PCLO: variants seen among roughly 807,000 people sequenced by gnomAD.
PCLO encodes piccolo presynaptic cytomatrix protein.
A neutral mutation model predicts 427.5 loss-of-function variants in PCLO; 82 were observed. The ratio of observed to expected loss-of-function variants is 0.19; its 90% CI spans 0.16 to 0.23. The LOEUF (loss-of-function observed/expected upper bound fraction) is 0.23, where lower values mean the gene tolerates loss of function less well. Among genes scored for constraint, PCLO ranks in the 10% least tolerant of loss-of-function variants. PCLO has a pLI of 1.00. For synonymous variants in PCLO, 2,357 were observed against 2,155.4 expected (o/e 1.09, Z -2.59); for missense variants, 6,239 against 6,115.9 (o/e 1.02, Z -0.67).
At chr7:82,936,621 A>G (rs1794958748) in intron 6 of PCLO, among the ~76,000 whole-genome samples, 1 of 151,680 alleles carries the variant, frequency 6.6e-6, no homozygotes, top group Admixed American at 6.6e-5. Flanking sequence ...ACAGTTCTTC[A>G]AAAAGTTAAA....
chr7:82,883,459 A>T (rs1267943215), intron 9 of PCLO, among the ~76,000 whole-genome samples: 1 of 152,186 alleles, frequency 6.6e-6, no homozygotes, highest in East Asian at 1.9e-4. Flanking sequence ...CAAATGAAAC[A>T]GTTTGTTCAT....
chr7:82,797,053 A>G (rs746457904), intron 22 of PCLO, among the ~76,000 whole-genome samples: 13 of 152,004 alleles, frequency 8.6e-5, no homozygotes, highest in Non-Finnish European at 1.9e-4. Context: ...CTAATTGAGG[A>G]TCTTCCATAA....
intron 3 of PCLO, among the ~76,000 whole-genome samples, chr7:82,975,706 T>C (rs1409702297): frequency 6.6e-6 from 1 of 152,140 alleles, no homozygotes; most frequent in Non-Finnish European, 1.5e-5. Flanking sequence ...CCCCACCAAA[T>C]CTCATTGTAA....
intron 4 of PCLO, among the ~76,000 whole-genome samples, chr7:82,963,038 C>T (rs1362954384): frequency 6.6e-6 from 1 of 151,886 alleles, no homozygotes; most frequent in Non-Finnish European, 1.5e-5. Flanking sequence ...TTCAGTAATA[C>T]AATACTTATT....
At chr7:82,824,896 C>T (rs1412643995) in intron 18 of PCLO, among the ~76,000 whole-genome samples, 1 of 151,964 alleles carries the variant, frequency 6.6e-6, no homozygotes. Context: ...TTGCAGTGAG[C>T]TGAGATCACA....
At chr7:83,014,418 T>C (rs1053208510) in intron 3 of PCLO, among the ~76,000 whole-genome samples, 1 of 152,082 alleles carries the variant, frequency 6.6e-6, no homozygotes, top group African/African-American at 2.4e-5. Context: ...TCTCGAATGC[T>C]GAGATAAGTA....
intron 3 of PCLO, among the ~76,000 whole-genome samples, chr7:83,023,547 C>T (rs377355280): frequency 6.6e-6 from 1 of 152,230 alleles, no homozygotes; most frequent in East Asian, 1.9e-4. Context: ...CTGATAGTTA[C>T]ATAAAAAATT....
chr7:83,043,732 G>A (rs1161326613), intron 3 of PCLO, among the ~76,000 whole-genome samples: 1 of 152,066 alleles, frequency 6.6e-6, no homozygotes, highest in Non-Finnish European at 1.5e-5. Context: ...TAAAGATTCA[G>A]GCTGTGGTTG....
At chr7:82,834,980 GTTTT>G (rs1562808742) in intron 16 of PCLO, among the ~76,000 whole-genome samples, 2 of 150,936 alleles carry the variant, frequency 1.3e-5, no homozygotes, top group African/African-American at 4.9e-5. Flanking sequence ...TTGTTTGTTT[GTTTT>G]TTGAGGCTGG....
rs577321606 is a variant in PCLO, at chr7:82,765,599, G to A, written c.15008-4106C>T. Reference sequence around the variant, plus strand: ...ACACTACTCTCCTCTCAAAGATTTGGTATAAAATGTCTGGTGTCATGAATA... The same window carrying A: ...ACACTACTCTCCTCTCAAAGATTTGATATAAAATGTCTGGTGTCATGAATA... On this transcript the variant is annotated intron_variant, in intron 22 of 24. Transcript: ENST00000333891. Among the ~76,000 whole-genome samples, 18 of 152,038 alleles carry A rather than the reference G, an allele frequency of 1.2e-4. No homozygotes were observed. The South Asian group carries it at 3.5e-3, about 30-fold the overall frequency.
intron 9 of PCLO, among the ~76,000 whole-genome samples, chr7:82,886,296 T>C (rs1261747385): frequency 6.6e-6 from 1 of 152,202 alleles, no homozygotes; most frequent in Non-Finnish European, 1.5e-5. Context: ...TTTTCAAACA[T>C]TATAAAGATA....
At chr7:83,111,928 G>C (rs1326448183) in intron 3 of PCLO, among the ~76,000 whole-genome samples, 1 of 152,132 alleles carries the variant, frequency 6.6e-6, no homozygotes, top group Non-Finnish European at 1.5e-5. Flanking sequence ...ACATACAAAT[G>C]ATATGATTGC....
chr7:82,767,847 G>A (rs1790563520), intron 22 of PCLO, among the ~76,000 whole-genome samples: 1 of 151,920 alleles, frequency 6.6e-6, no homozygotes, highest in African/African-American at 2.4e-5. Flanking sequence ...TTCTTAAAAG[G>A]ATTCAGGAGA....
chr7:82,799,063 G>T (rs988565556), intron 22 of PCLO, among the ~76,000 whole-genome samples: 1 of 152,110 alleles, frequency 6.6e-6, no homozygotes, highest in Non-Finnish European at 1.5e-5. Flanking sequence ...AGCAGTATTA[G>T]GATGAATAAT....
chr7:83,051,252 A>G (rs1284693149), intron 3 of PCLO, among the ~76,000 whole-genome samples: 2 of 151,618 alleles, frequency 1.3e-5, no homozygotes, highest in Non-Finnish European at 2.9e-5. Flanking sequence ...TAGGTTGGGA[A>G]GAAAGAGACA....
rs768417761 is a variant in PCLO at position 82,956,709 on chromosome 7, G to C, written c.4244C>G (p.Thr1415Arg). The change falls in exon 5 of 25, where the codon ACA becomes AGA. Residue 1415 changes from threonine (T) to arginine (R), a missense_variant. Thr to Arg is a moderately conservative substitution (Grantham distance 71). Coordinates refer to ENST00000333891, the MANE Select transcript of PCLO (RefSeq NM_033026.6). ...SPSDLAKLESTVLSILEAQAS... is the reference protein window; with the variant it reads ...SPSDLAKLESRVLSILEAQAS... ...TTGAGCTTCCAAAATAGATAGGACT[G>C]TACTTTCTAACTTAGCCAAATCTGA... 6.2e-7 allele frequency: 1 copy of C among 1,613,508 alleles called. No homozygotes were observed. The highest frequency in any genetic ancestry group is 1.7e-5 in the Admixed American group (1 of 59,980).
rs182179407 is a variant in PCLO at position 82,955,486 on chromosome 7, G to T, written c.5467C>A (p.Pro1823Thr). The T allele has an allele frequency of 1.8e-5, 29 of 1,613,668 alleles. No individual in the cohort carries two copies. The highest frequency in any genetic ancestry group is 6.7e-5 in the Admixed American group (4 of 59,964). Reference sequence around the variant, plus strand: ...GAGAGATTACTAGGTGGTGTCTTTGGCCTTTCCCTTCTTCTCTGAGCTCGA... The same window carrying T: ...GAGAGATTACTAGGTGGTGTCTTTGTCCTTTCCCTTCTTCTCTGAGCTCGA... ...ELRAQRRRERPKTPPSNLSPI... is the reference protein window; with the variant it reads ...ELRAQRRRERTKTPPSNLSPI... The change falls in exon 5 of 25, where the codon CCA becomes ACA. Residue 1823 changes from proline (P) to threonine (T), a missense_variant. Physicochemically the swap from Pro to Thr is conservative, Grantham distance 38 (BLOSUM62 -1). Transcript: ENST00000333891.
chr7:82,996,138 C>G (rs1228916634), intron 3 of PCLO, among the ~76,000 whole-genome samples: 1 of 151,208 alleles, frequency 6.6e-6, no homozygotes, highest in Admixed American at 6.6e-5. Flanking sequence ...AAAAATAAAA[C>G]AGGAATATAA....
At chr7:83,145,760 G>T (rs571081261) in intron 2 of PCLO, among the ~76,000 whole-genome samples, 1 of 152,230 alleles carries the variant, frequency 6.6e-6, no homozygotes, top group East Asian at 1.9e-4. Context: ...TGCCAAATGT[G>T]ATTTTTAGCT....
Sources: gnomAD v4.1 joint callset for allele counts (sites outside exome capture counted in the v4.1 genomes callset) on GRCh38, gnomAD v4.1.1 for gene constraint, MANE v1.5 for transcripts, NCBI Gene and HGNC (gene_info 2026-07-23, HGNC 2026-07-21) for gene names.